The following GABRG3 variants were observed in gnomAD, a reference collection of about 807,000 sequenced individuals.
GABRG3 encodes the protein gamma-aminobutyric acid receptor subunit gamma-3.
A neutral mutation model predicts 48.8 loss-of-function variants in GABRG3; 25 were observed. The observed-to-expected ratio is 0.51, with a 90% CI of 0.37 to 0.72. The LOEUF (loss-of-function observed/expected upper bound fraction) is 0.72. Ranked by LOEUF, GABRG3 falls within the 30% of genes least tolerant of loss-of-function variation. The probability of loss-of-function intolerance (pLI) is 0.00; values close to 1 mark genes in which losing one functional copy is unlikely to be tolerated. For synonymous variants in GABRG3, 227 were observed against 217.6 expected, an observed-to-expected ratio of 1.04 and a Z score of -0.38; for missense variants, 394 against 577.9, an observed-to-expected ratio of 0.68 and a Z score of 3.26.
At chr15:27,455,118 T>G (rs1411818599) in intron 5 of GABRG3, among the ~76,000 whole-genome samples, 2 of 152,210 alleles carry the variant, frequency 1.3e-5, no homozygotes, top group Admixed American at 6.5e-5. Context: ...GAATATTCTT[T>G]TCATTGAAGT....
At chr15:27,530,743 T>C (rs2150866240) in intron 9 of GABRG3, 1 of 470,786 alleles carries the variant, frequency 2.1e-6, no homozygotes, top group Non-Finnish European at 4.4e-6. Context: ...CTGCCTTACC[T>C]TGCAAATGGC....
chr15:27,405,907 G>C (rs753252472), intron 5 of GABRG3, among the ~76,000 whole-genome samples: 1 of 152,118 alleles, frequency 6.6e-6, no homozygotes. Flanking sequence ...GCATCCTGTA[G>C]TGCCAGGAAG....
chr15:27,144,822 A>G (rs1400695675), intron 3 of GABRG3, among the ~76,000 whole-genome samples: 1 of 152,202 alleles, frequency 6.6e-6, no homozygotes, highest in Non-Finnish European at 1.5e-5. Context: ...TGTATTCCCA[A>G]AAAGGACACA....
chr15:27,201,957 G>T (rs748438649), intron 3 of GABRG3, among the ~76,000 whole-genome samples: 1 of 152,172 alleles, frequency 6.6e-6, no homozygotes, highest in Non-Finnish European at 1.5e-5. Context: ...AGACAAGTTT[G>T]TGGTAAGTTT....
At chr15:27,145,603 CTCTATCTATCTATCTATCTATCTA>C (rs140259026) in intron 3 of GABRG3, among the ~76,000 whole-genome samples, 2 of 102,298 alleles carry the variant, frequency 2.0e-5, no homozygotes, top group African/African-American at 7.0e-5. Flanking sequence ...ATATATCTAT[CTCTATCTATCTATCTATCTATCTA>C]TCTATCTATC....
At chr15:27,529,496 C>T (rs1891365641) in intron 9 of GABRG3, among the ~76,000 whole-genome samples, 1 of 152,146 alleles carries the variant, frequency 6.6e-6, no homozygotes, top group South Asian at 2.1e-4. Context: ...ATCAGGACCT[C>T]ATATGCAGTG....
chr15:27,364,166 C>T (rs941691416), intron 5 of GABRG3: 1 of 152,174 alleles, frequency 6.6e-6, no homozygotes, highest in Non-Finnish European at 1.5e-5. Flanking sequence ...TTACATCAAG[C>T]TTGCATTATG....
In GABRG3 at chr15:27,352,850, G is replaced by A. The variant is rs142939820; in HGVS notation, c.574+23962G>A. 4.6e-5 allele frequency among the ~76,000 whole-genome samples: 7 copies of A among 152,238 alleles called. No homozygotes were observed. Among genetic ancestry groups the A allele is most frequent in the South Asian group, 4.1e-4 (2 of 4,824 alleles). Reference sequence around the variant, plus strand: ...CCTAACTCATAGGACTATGGGGGGCGTAAAATAAGACTCCAGCACATGCTC... The same window carrying A: ...CCTAACTCATAGGACTATGGGGGGCATAAAATAAGACTCCAGCACATGCTC... On this transcript the variant is annotated intron_variant, in intron 5 of 9. Transcript: ENST00000615808. The surrounding 1 kb of genome is among the most constrained non-coding windows in gnomAD (Gnocchi z 4.0).
At chr15:27,147,209 A>G (rs1318906994) in intron 3 of GABRG3, among the ~76,000 whole-genome samples, 6 of 152,112 alleles carry the variant, frequency 3.9e-5, no homozygotes, top group African/African-American at 9.6e-5. Flanking sequence ...TTATATGTGT[A>G]TATAATATTA....
intron 3 of GABRG3, among the ~76,000 whole-genome samples, chr15:27,166,957 G>A (rs1442829045): frequency 1.3e-5 from 2 of 152,122 alleles, no homozygotes; most frequent in Non-Finnish European, 2.9e-5. Flanking sequence ...GAGAAACAGA[G>A]CTTTATTCTC....
At chr15:27,098,995 A>G (rs945317346) in intron 3 of GABRG3, among the ~76,000 whole-genome samples, 2 of 152,138 alleles carry the variant, frequency 1.3e-5, no homozygotes, top group Admixed American at 6.5e-5. Context: ...GTCCCGTAAT[A>G]TGTCCAAAGT....
chr15:27,312,766 A>G (rs1893038860), intron 3 of GABRG3, among the ~76,000 whole-genome samples: 1 of 152,110 alleles, frequency 6.6e-6, no homozygotes, highest in African/African-American at 2.4e-5. Context: ...CCTTACGGGA[A>G]ATGTTAATAC....
At position 27,441,100 on chromosome 15, in the gene GABRG3, A is replaced by G. The variant is rs545991419; in HGVS notation, c.575-39550A>G. Among the ~76,000 whole-genome samples, 9 of 152,348 alleles carry G rather than the reference A, an allele frequency of 5.9e-5. No homozygotes were observed. In the South Asian group the frequency reaches 8.3e-4, roughly 14 times the overall value. On this transcript the variant is annotated intron_variant, in intron 5 of 9. Transcript: ENST00000615808. ...CAAGGGGTTGTTGTTTGTTTTTAAA[A>G]TTATTATACAAAGGTACAGCAAAAA...
chr15:27,069,063 A>G (rs1316456451), intron 3 of GABRG3, among the ~76,000 whole-genome samples: 1 of 152,174 alleles, frequency 6.6e-6, no homozygotes, highest in African/African-American at 2.4e-5. Context: ...AAGAGAAGGC[A>G]TGTTTACGCT....
intron 3 of GABRG3, among the ~76,000 whole-genome samples, chr15:27,105,025 C>A (rs12443189): frequency 0.24 from 36,736 of 151,870 alleles, 4,979 homozygotes; most frequent in East Asian, 0.37. Flanking sequence ...CAACTATATG[C>A]TGTTTACAAG....
Position 27,527,997 on chromosome 15 carries a change from G to C in GABRG3, c.1122+5G>C, listed in dbSNP as rs569777634. 1.3e-6 allele frequency: 2 copies of C among 1,588,326 alleles called. No individual in the cohort carries two copies. The highest frequency in any genetic ancestry group is 1.7e-6 in the Non-Finnish European group (2 of 1,163,890). On this transcript the variant is annotated splice_donor_5th_base_variant and intron_variant, in intron 9 of 9. Transcript: ENST00000615808. The stretch of plus-strand genomic sequence containing the variant: ...ATAAGCCTACAAGCCCCTTCCGTAC[G>C]TATAGCATTGCAGGTGCCAATATTT...
At chr15:27,451,420 CAAG>C (rs1370788288) in intron 5 of GABRG3, among the ~76,000 whole-genome samples, 3 of 151,894 alleles carry the variant, frequency 2.0e-5, no homozygotes, top group South Asian at 2.1e-4. Flanking sequence ...AAAAAGATGA[CAAG>C]AACATGAAAT....
rs1892098242 is a variant in GABRG3, at chr15:27,298,944, T to TTTAA, written c.271-27865_271-27864insTTAA. On this transcript the variant is annotated intron_variant, in intron 3 of 9. Coordinates refer to ENST00000615808, the MANE Select transcript of GABRG3 (RefSeq NM_033223.5). Reference sequence around the variant, plus strand: ...AAATAAGTTCCTGTTCTGGGTTAAATGAACAACAACAACAAAAAATGCTTC... The same window carrying TTTAA: ...AAATAAGTTCCTGTTCTGGGTTAAATTTAAGAACAACAACAACAAAAAATGCTTC... 2.0e-5 allele frequency among the ~76,000 whole-genome samples: 3 copies of TTTAA among 152,256 alleles called. No homozygotes were observed. The South Asian group carries it at 6.2e-4, about 32-fold the overall frequency.
At chr15:27,404,806 T>C (rs76445407) in intron 5 of GABRG3, among the ~76,000 whole-genome samples, 121 of 152,354 alleles carry the variant, frequency 7.9e-4, no homozygotes, top group African/African-American at 2.8e-3. Context: ...TGTCCTCTTC[T>C]GACTCTGACT....
Sources: gnomAD v4.1 joint callset for allele counts (sites outside exome capture counted in the v4.1 genomes callset) on GRCh38, gnomAD v4.1.1 for gene constraint, Gnocchi (gnomAD v3.1) non-coding constraint, MANE v1.5 for transcripts, NCBI Gene and HGNC (gene_info 2026-07-23, HGNC 2026-07-21) for gene names.